Variants in GRID1 observed in about 807,000 individuals in gnomAD.
The protein encoded by GRID1 is glutamate ionotropic receptor delta type subunit 1, also known as glutamate receptor ionotropic, delta-1.
A neutral mutation model predicts 98.0 loss-of-function variants in GRID1; 28 were observed. That is an observed-to-expected ratio of 0.29 (90% CI 0.21 to 0.39). GRID1 has a LOEUF of 0.39. Among genes scored for constraint, GRID1 ranks in the 10% least tolerant of loss-of-function variants. The pLI is 1.00. For missense variants in GRID1, 1,111 were observed against 1,340.5 expected, an observed-to-expected ratio of 0.83 and a Z score of 2.67; for synonymous variants, 553 against 538.5, an observed-to-expected ratio of 1.03 and a Z score of -0.37.
At chr10:86,142,028 T>G (rs138150962) in intron 3 of GRID1, among the ~76,000 whole-genome samples, 2 of 152,240 alleles carry the variant, frequency 1.3e-5, no homozygotes, top group Non-Finnish European at 2.9e-5. Flanking sequence ...CAAACAGAGG[T>G]TGAAAAAGTG....
chr10:86,248,867 G>A (rs1846776244), intron 2 of GRID1, among the ~76,000 whole-genome samples: 1 of 152,190 alleles, frequency 6.6e-6, no homozygotes, highest in African/African-American at 2.4e-5. Flanking sequence ...GCCTGGGCAT[G>A]ACGATTCTTA....
At chr10:86,023,451 C>T (rs1414364347) in intron 4 of GRID1, among the ~76,000 whole-genome samples, 1 of 152,138 alleles carries the variant, frequency 6.6e-6, no homozygotes, top group Non-Finnish European at 1.5e-5. Flanking sequence ...CTTTGCCCAT[C>T]CCGTCTCCAC....
intron 4 of GRID1, among the ~76,000 whole-genome samples, chr10:86,106,508 A>T (rs1244501422): frequency 6.6e-6 from 1 of 151,274 alleles, no homozygotes; most frequent in Non-Finnish European, 1.5e-5. Flanking sequence ...GGATGGGAGA[A>T]TGGGCCTGCT....
chr10:85,885,321 C>T (rs1372526973), intron 5 of GRID1, among the ~76,000 whole-genome samples: 1 of 152,148 alleles, frequency 6.6e-6, no homozygotes, highest in East Asian at 1.9e-4. Context: ...TGTGATTTCC[C>T]CTGTTCAGAG....
At chr10:85,880,898 T>C (rs1840998301) in intron 5 of GRID1, among the ~76,000 whole-genome samples, 1 of 152,174 alleles carries the variant, frequency 6.6e-6, no homozygotes, top group Non-Finnish European at 1.5e-5. Flanking sequence ...CAAAATCTCC[T>C]TAAGCTGATA....
chr10:85,955,356 C>G (rs1842175811), intron 4 of GRID1, among the ~76,000 whole-genome samples: 1 of 152,150 alleles, frequency 6.6e-6, no homozygotes, highest in South Asian at 2.1e-4. Flanking sequence ...TCAGGATAGC[C>G]AGCCTCCAGC....
chr10:85,994,543 A>C (rs1457832757), intron 4 of GRID1, among the ~76,000 whole-genome samples: 1 of 152,244 alleles, frequency 6.6e-6, no homozygotes, highest in African/African-American at 2.4e-5. Flanking sequence ...GCCAAACCCA[A>C]GGGATGCTGG....
intron 8 of GRID1, among the ~76,000 whole-genome samples, chr10:85,838,588 G>T (rs1241407130): frequency 6.6e-6 from 1 of 152,034 alleles, no homozygotes. Context: ...AGCATTTTCA[G>T]ATAAGAAAAT....
intron 8 of GRID1, among the ~76,000 whole-genome samples, chr10:85,826,591 C>A (rs1842822632): frequency 6.6e-6 from 1 of 152,124 alleles, no homozygotes; most frequent in African/African-American, 2.4e-5. Flanking sequence ...CTTGCCAACA[C>A]ATGCACCCTG....
intron 4 of GRID1, among the ~76,000 whole-genome samples, chr10:86,099,180 G>A (rs1844260413): frequency 6.6e-6 from 1 of 152,204 alleles, no homozygotes; most frequent in Non-Finnish European, 1.5e-5. Context: ...GTGGTTCTGA[G>A]TCCACATCTA....
chr10:86,296,982 A>G lies in GRID1; in HGVS notation c.235+66959T>C, dbSNP rs190652981. Among the ~76,000 whole-genome samples the G allele has an allele frequency of 3.5e-3, 529 of 152,306 alleles. 2 individuals carry two copies. Among genetic ancestry groups the G allele is most frequent in the African/African-American group, 0.012 (508 of 41,560 alleles). The stretch of plus-strand genomic sequence containing the variant: ...ATGACCCGTGTAAAGAAAACTACCA[A>G]ACTTTATTTAGAGCTATAAAGATGG... On this transcript the variant is annotated intron_variant, in intron 2 of 15. Transcript: ENST00000327946.
chr10:86,099,680 C>G (rs1404327835), intron 4 of GRID1, among the ~76,000 whole-genome samples: 2 of 152,210 alleles, frequency 1.3e-5, no homozygotes, highest in Non-Finnish European at 2.9e-5. Context: ...TGACTCTCCC[C>G]TGGCAGAAGG....
At chr10:85,815,700 C>T (rs75709316) in intron 8 of GRID1, among the ~76,000 whole-genome samples, 121 of 151,984 alleles carry the variant, frequency 8.0e-4, no homozygotes, top group African/African-American at 2.9e-3. Context: ...AATCACAATA[C>T]ACCAAAAAAA....
At chr10:85,633,257 T>C (rs1842995607) in intron 13 of GRID1, among the ~76,000 whole-genome samples, 1 of 152,156 alleles carries the variant, frequency 6.6e-6, no homozygotes, top group Non-Finnish European at 1.5e-5. Context: ...ATCTTTACAA[T>C]AACTCTGATA....
intron 3 of GRID1, among the ~76,000 whole-genome samples, chr10:86,172,582 T>A (rs1170765423): frequency 6.6e-6 from 1 of 152,194 alleles, no homozygotes; most frequent in Non-Finnish European, 1.5e-5. Flanking sequence ...CAAAAAATAA[T>A]ATGACTATAT....
intron 2 of GRID1, among the ~76,000 whole-genome samples, chr10:86,233,023 C>T (rs1387740495): frequency 3.3e-5 from 5 of 152,034 alleles, no homozygotes; most frequent in Admixed American, 6.5e-5. Context: ...TTGCAGGAAC[C>T]CTTCAGGATA....
At chr10:86,200,865 A>G (rs938484231) in intron 3 of GRID1, among the ~76,000 whole-genome samples, 2 of 152,356 alleles carry the variant, frequency 1.3e-5, no homozygotes, top group African/African-American at 4.8e-5. Flanking sequence ...AATGTACATT[A>G]AAATCAAAAT....
intron 4 of GRID1, among the ~76,000 whole-genome samples, chr10:86,017,002 G>A (rs1463462070): frequency 4.6e-5 from 7 of 152,194 alleles, no homozygotes; most frequent in Non-Finnish European, 8.8e-5. Flanking sequence ...CCAATCATCT[G>A]CTAGGCCCTG....
At chr10:85,737,645 G>GAT (rs66947723) in intron 8 of GRID1, among the ~76,000 whole-genome samples, 20,922 of 95,138 alleles carry the variant, frequency 0.22, 2,838 homozygotes, top group Non-Finnish European at 0.3. Flanking sequence ...AGTAAAGCCA[G>GAT]ATATATATAT....
Sources: allele counts gnomAD v4.1 joint callset (sites outside exome capture counted in the v4.1 genomes callset), GRCh38; gene constraint gnomAD v4.1.1; transcripts MANE v1.5; gene names NCBI Gene and HGNC (gene_info 2026-07-23, HGNC 2026-07-21).